Variants in NOC4L observed in about 807,000 individuals in gnomAD.
NOC4L encodes the protein nucleolar complex protein 4 homolog.
A neutral mutation model predicts 62.8 loss-of-function variants in NOC4L; 40 were observed. The ratio of observed to expected loss-of-function variants is 0.64; its 90% CI spans 0.49 to 0.83. The LOEUF is 0.83. Among genes scored for constraint, NOC4L ranks in the 40% least tolerant of loss-of-function variants. NOC4L has a pLI of 0.00. For synonymous variants in NOC4L, 433 were observed against 299.8 expected (o/e 1.44, Z -4.59); for missense variants, 927 against 701.9 (o/e 1.32, Z -3.62).
Position 132,147,333 on chromosome 12 carries a change from C to T in NOC4L, c.398C>T (p.Pro133Leu), listed in dbSNP as rs1897760041. Residue 133 changes from proline (P) to leucine (L), a missense_variant, in exon 4 of 15, where the codon CCC becomes CTC. Physicochemically the swap from Pro to Leu is moderately conservative, Grantham distance 98 (BLOSUM62 -3). Coordinates refer to ENST00000330579, the MANE Select transcript of NOC4L (RefSeq NM_024078.3). ...LKFVQLEGAH[P>L]LEKSKWEGNY... ...TTCGTGCAGCTGGAAGGAGCGCACC[C>T]CCTGGAGAAGTCCAAGTGGGAAGGC... The T allele has an allele frequency of 7.5e-6, 12 of 1,595,180 alleles. No individual in the cohort carries two copies. The highest frequency in any genetic ancestry group is 9.4e-6 in the Non-Finnish European group (11 of 1,170,684).
intron 8 of NOC4L, 55 bp downstream of exon 8, chr12:132,148,714 G>A (rs1411845235): frequency 3.9e-5 from 59 of 1,498,362 alleles, no homozygotes; most frequent in Admixed American, 1.0e-4. Flanking sequence ...CCCCCAGGGC[G>A]GAGGCCTCAC....
chr12:132,145,190 C>T (rs144599384), intron 2 of NOC4L, among the ~76,000 whole-genome samples: 218 of 152,242 alleles, frequency 1.4e-3, no homozygotes, highest in African/African-American at 5.1e-3. Context: ...CAAGGTACGA[C>T]TTTTTGTGTG....
In NOC4L at chr12:132,150,751, G is replaced by A. The variant is rs996427758; in HGVS notation, c.902-230G>A. ...CCTAATCCCCTCGGTGAGTGCCGCCGCCTCGCTCACACCCCCAACCCCCAC... is the reference window on the plus strand; with the variant it reads ...CCTAATCCCCTCGGTGAGTGCCGCCACCTCGCTCACACCCCCAACCCCCAC... On this transcript the variant is annotated intron_variant, in intron 9 of 14. Transcript: ENST00000330579. 16 of 571,150 alleles carry A rather than the reference G, an allele frequency of 2.8e-5. 1 individual carries two copies. The highest frequency in any genetic ancestry group is 4.7e-4 in the Middle Eastern group (1 of 2,120). 35.4% of individuals were successfully genotyped at this position (571,150 alleles called of 1,614,324 possible).
chr12:132,144,626 G>A, intron 1 of NOC4L, 21 bp downstream of exon 1: 1 of 1,484,148 alleles, frequency 6.7e-7, no homozygotes. Context: ...CGGCGTCGCA[G>A]GGCCGGAGTC....
In NOC4L at chr12:132,147,365, C is replaced by G; in HGVS notation, c.430C>G (p.Leu144Val). ...GAAGTCCAAGTGGGAAGGCAACTACCTGTTCCCCCGAGAGCTCTTCAAGGT... is the reference window on the plus strand; with the variant it reads ...GAAGTCCAAGTGGGAAGGCAACTACGTGTTCCCCCGAGAGCTCTTCAAGGT... ...LEKSKWEGNY[L>V]FPRELFKLVV... is the part of the protein sequence containing the mutation. Residue 144 changes from leucine (L) to valine (V), a missense_variant, in exon 4 of 15, where the codon CTG (leucine) becomes GTG (valine). Physicochemically the swap from Leu to Val is conservative, Grantham distance 32 (BLOSUM62 1). Transcript: ENST00000330579. 6.3e-7 allele frequency: 1 copy of G among 1,596,170 alleles called. No individual in the cohort carries two copies. Among genetic ancestry groups the G allele is most frequent in the Non-Finnish European group, 8.5e-7 (1 of 1,171,050 alleles).
chr12:132,151,914 A>C (rs1373267345), intron 13 of NOC4L, 94 bp downstream of exon 13: 98 of 1,353,610 alleles, frequency 7.2e-5, no homozygotes, highest in Non-Finnish European at 8.7e-5. Flanking sequence ...GCATAGCCTC[A>C]TGTTGCGTCC....
At position 132,150,668 on chromosome 12, in the gene NOC4L, G is replaced by A. The variant is rs11246944; in HGVS notation, c.902-313G>A. ...TCCCCTCGGTGAGTGCCGCCGCCTCGCTCATACCACACCCCTAATCCCCTC... is the reference window on the plus strand; with the variant it reads ...TCCCCTCGGTGAGTGCCGCCGCCTCACTCATACCACACCCCTAATCCCCTC... On this transcript the variant is annotated intron_variant, in intron 9 of 14. Coordinates refer to ENST00000330579, the MANE Select transcript of NOC4L (RefSeq NM_024078.3). Among the ~76,000 whole-genome samples, 4 of 2,630 alleles carry A rather than the reference G, an allele frequency of 1.5e-3. 1 individual carries two copies. Among genetic ancestry groups the A allele is most frequent in the African/African-American group, 8.0e-3 (4 of 500 alleles). The allele number at this position is 2,630 out of a possible 152,430, so 1.7% of individuals were successfully genotyped here. A position where few individuals can be genotyped will look rare whatever the true frequency, so the allele number is the denominator to read the frequency against.
intron 2 of NOC4L, among the ~76,000 whole-genome samples, chr12:132,145,247 C>T (rs1471763308): frequency 2.0e-5 from 3 of 152,204 alleles, no homozygotes; most frequent in Admixed American, 2.0e-4. Flanking sequence ...CTGACACGGT[C>T]GCTTAAACTC....
intron 6 of NOC4L, 45 bp downstream of exon 6, chr12:132,148,024 C>G: frequency 6.2e-7 from 1 of 1,613,164 alleles, no homozygotes; most frequent in Non-Finnish European, 8.5e-7. Flanking sequence ...GAGCCTTGGT[C>G]TGCCTCCCCT....
chr12:132,145,209 C>G (rs1018362910), intron 2 of NOC4L, among the ~76,000 whole-genome samples: 1 of 152,150 alleles, frequency 6.6e-6, no homozygotes, highest in Non-Finnish European at 1.5e-5. Context: ...TGCTTTGCAC[C>G]CCTTTTGTAA....
rs11543303 is a variant in NOC4L at position 132,147,920 on chromosome 12, C to G, written c.644C>G (p.Ser215Cys). The G allele has an allele frequency of 6.2e-7, 1 of 1,602,984 alleles. No homozygotes were observed. The highest frequency in any genetic ancestry group is 8.5e-7 in the Non-Finnish European group (1 of 1,175,814). Residue 215 changes from serine to cysteine, a missense_variant, in exon 6 of 15, where the codon TCT (serine) becomes TGT (cysteine). Physicochemically the swap from Ser to Cys is moderately radical, Grantham distance 112. Coordinates refer to ENST00000330579, the MANE Select transcript of NOC4L (RefSeq NM_024078.3). ...TGGAACAATGCCTTCACGCTGCTGTCTGCCGTGAGCCTGCCCCGCCGGGAG... is the reference window on the plus strand; with the variant it reads ...TGGAACAATGCCTTCACGCTGCTGTGTGCCGTGAGCCTGCCCCGCCGGGAG... ...AFWNNAFTLL[S>C]AVSLPRREPT...
Position 132,151,025 on chromosome 12 carries a change from A to C in NOC4L, c.946A>C (p.Ile316Leu), listed in dbSNP as rs1199401173. 1.2e-6 allele frequency: 2 copies of C among 1,611,076 alleles called. No homozygotes were observed. The highest frequency in any genetic ancestry group is 1.3e-5 in the African/African-American group (1 of 74,874). Residue 316 changes from isoleucine to leucine, a missense_variant, in exon 10 of 15, where the codon ATT becomes CTT. By Grantham distance (5) the Ile-to-Leu change is conservative (BLOSUM62 2). Transcript: ENST00000330579. The part of the protein sequence containing the change: ...LLALNGLFIL[I>L]HKHNLEYPDF... ...GGCCTTGAACGGGCTGTTCATCTTG[A>C]TTCACAAACACAACCTGTGAGTGTC...
rs762928583 is a variant in NOC4L at position 132,148,830 on chromosome 12, C to T, written c.836C>T (p.Ala279Val). ...YKKVLLIVHD[A>V]ILPQLAQPTL... is the part of the protein sequence containing the mutation. Reference sequence around the variant, plus strand: ...AAGGTGCTGCTGATTGTGCATGACGCCATCCTGCCGCAGCTGGCGCAGCCC... The same window carrying T: ...AAGGTGCTGCTGATTGTGCATGACGTCATCCTGCCGCAGCTGGCGCAGCCC... Residue 279 changes from alanine to valine, a missense_variant, in exon 9 of 15, where the codon GCC (alanine) becomes GTC (valine). Ala to Val is a moderately conservative substitution (Grantham distance 64). Coordinates refer to ENST00000330579, the MANE Select transcript of NOC4L (RefSeq NM_024078.3). 5 of 1,603,874 alleles carry T rather than the reference C, an allele frequency of 3.1e-6. No homozygotes were observed. The highest frequency in any genetic ancestry group is 1.7e-5 in the Admixed American group (1 of 59,718).
intron 7 of NOC4L, 104 bp from the exon 8 acceptor site, chr12:132,148,505 C>A: frequency 1.6e-6 from 2 of 1,251,748 alleles, no homozygotes; most frequent in African/African-American, 1.5e-5. Flanking sequence ...AAGTGGAGAG[C>A]AGGCTTGTGT....
rs1416150525 is a variant in NOC4L, at chr12:132,147,761, G to A, written c.582G>A (p.Arg194=). The A allele has an allele frequency of 1.2e-6, 2 of 1,612,758 alleles. No individual in the cohort carries two copies. The highest frequency in any genetic ancestry group is 2.2e-5 in the East Asian group (1 of 44,874). The change falls in exon 5 of 15, where the codon CGG becomes CGA. Residue 194 remains arginine, a synonymous_variant. Transcript: ENST00000330579. ...AGGCAGCCGTGGATGCCGTGGCCCG[G>A]GTCACTGGCCAGCACCCCGAGGTGG... ...TMQAAVDAVA[R]VTGQHPEVPP...
At chr12:132,146,474 C>T (rs1340123012) in intron 3 of NOC4L, 9 of 413,556 alleles carry the variant, frequency 2.2e-5, no homozygotes, top group South Asian at 6.7e-5. Flanking sequence ...TTGAATATGC[C>T]TTATCAGTGG....
chr12:132,145,737 G>A (rs1329789783), intron 3 of NOC4L, 72 bp downstream of exon 3: 3 of 1,066,458 alleles, frequency 2.8e-6, no homozygotes, highest in Non-Finnish European at 4.2e-6. Flanking sequence ...ACAAAGCAGA[G>A]GTCTGGGGCT....
rs376907330 is a variant in NOC4L at position 132,147,998 on chromosome 12, A to G, written c.703+19A>G. 1 of 1,612,202 alleles carries G rather than the reference A, an allele frequency of 6.2e-7. No homozygotes were observed. The highest frequency in any genetic ancestry group is 1.3e-5 in the African/African-American group (1 of 74,968). ...CGGGCGGGTGAGTGTGCTGAGAGTC[A>G]GGGGCGGACAGGGCTGAGCCTTGGT... On this transcript the variant is annotated intron_variant, in intron 6 of 14. Transcript: ENST00000330579.
In NOC4L at chr12:132,151,823, G is replaced by C. The variant is rs1431982324; in HGVS notation, c.1317+3G>C. ...AGAGCTCCCTGTGGGAGCTTCAGGTGAGGGCGCTGCTGCCACACCCTGGGG... is the reference window on the plus strand; with the variant it reads ...AGAGCTCCCTGTGGGAGCTTCAGGTCAGGGCGCTGCTGCCACACCCTGGGG... On this transcript the variant is annotated splice_donor_region_variant and intron_variant, in intron 13 of 14. Transcript: ENST00000330579. 4 of 1,610,400 alleles carry C rather than the reference G, an allele frequency of 2.5e-6. No homozygotes were observed. The highest frequency in any genetic ancestry group is 1.3e-5 in the African/African-American group (1 of 74,864).
Sources: gnomAD v4.1 joint callset for allele counts (sites outside exome capture counted in the v4.1 genomes callset) on GRCh38, gnomAD v4.1.1 for gene constraint, MANE v1.5 for transcripts, NCBI Gene and HGNC (gene_info 2026-07-23, HGNC 2026-07-21) for gene names.